Variants in NARS2 observed in about 807,000 individuals in gnomAD.
NARS2 encodes the protein asparaginyl-tRNA synthetase.
In NARS2, 60 loss-of-function variants were observed where a neutral mutation model predicts 62.9. The ratio of observed to expected loss-of-function variants is 0.95; its 90% CI spans 0.77 to 1.18. NARS2 has a LOEUF of 1.18. Among genes scored for constraint, NARS2 ranks in the 50% most tolerant of loss-of-function variants. NARS2 has a pLI of 0.00. For missense variants in NARS2, 619 were observed against 576.4 expected (o/e 1.07, Z -0.76); for synonymous variants, 196 against 200.0 (o/e 0.98, Z 0.17).
At chr11:78,525,322 T>A (rs1590814389) in intron 6 of NARS2, among the ~76,000 whole-genome samples, 1 of 151,940 alleles carries the variant, frequency 6.6e-6, no homozygotes, top group East Asian at 1.9e-4. Flanking sequence ...CTTTACTGAC[T>A]ATAAAAAAAA....
chr11:78,555,983 T>C (rs1856337755), intron 5 of NARS2, among the ~76,000 whole-genome samples: 2 of 152,210 alleles, frequency 1.3e-5, no homozygotes, highest in South Asian at 2.1e-4. Flanking sequence ...CCTGTAATCA[T>C]ATGATTTTGA....
At chr11:78,525,457 TGAATG>T (rs1421684338) in intron 6 of NARS2, among the ~76,000 whole-genome samples, 1 of 152,150 alleles carries the variant, frequency 6.6e-6, no homozygotes, top group Non-Finnish European at 1.5e-5. Flanking sequence ...AGAATCAATC[TGAATG>T]AGTTCCCAAC....
intron 7 of NARS2, among the ~76,000 whole-genome samples, chr11:78,489,640 T>C (rs745995100): frequency 9.2e-5 from 14 of 152,174 alleles, no homozygotes; most frequent in Non-Finnish European, 1.9e-4. Context: ...AACCAATCCC[T>C]TCTGGATACC....
intron 7 of NARS2, among the ~76,000 whole-genome samples, chr11:78,487,080 G>T (rs368876801): frequency 6.6e-6 from 1 of 152,076 alleles, no homozygotes; most frequent in South Asian, 2.1e-4. Context: ...TACTAGCCAG[G>T]CATGGTGGCT....
intron 4 of NARS2, among the ~76,000 whole-genome samples, chr11:78,564,511 A>AT (rs200401474): frequency 1.5e-3 from 226 of 151,424 alleles, no homozygotes; most frequent in African/African-American, 4.8e-3. Flanking sequence ...TTTTATTTCA[A>AT]TTTTTTTTTA....
intron 5 of NARS2, among the ~76,000 whole-genome samples, chr11:78,550,452 C>T (rs530467766): frequency 1.8e-4 from 28 of 152,184 alleles, no homozygotes; most frequent in Admixed American, 5.2e-4. Context: ...CAGAATGAAG[C>T]GTTAGCCCAT....
chr11:78,436,525 T>TTA lies in NARS2; in HGVS notation c.*143_*144dup. 1 of 1,013,978 alleles carries TTA rather than the reference T, an allele frequency of 9.9e-7. No individual in the cohort carries two copies. Among genetic ancestry groups the TTA allele is most frequent in the East Asian group, 2.5e-5 (1 of 39,514 alleles). 62.8% of individuals were successfully genotyped at this position (1,013,978 alleles called of 1,614,324 possible). On this transcript the variant is annotated 3_prime_UTR_variant, in exon 14 of 14. Transcript: ENST00000281038. Reference sequence around the variant, plus strand: ...AACTTTCTAAGAAAATCACAACCACTTATATTTTTTCTATGATATCTTATG... The same window carrying TTA: ...AACTTTCTAAGAAAATCACAACCACTTATATATTTTTTCTATGATATCTTATG...
intron 5 of NARS2, among the ~76,000 whole-genome samples, chr11:78,537,837 T>C (rs1375660901): frequency 6.6e-6 from 1 of 152,208 alleles, no homozygotes; most frequent in Non-Finnish European, 1.5e-5. Flanking sequence ...CAAACATACA[T>C]ACATGTTTGT....
At position 78,527,080 on chromosome 11, in the gene NARS2, A is replaced by C. The variant is rs137986351; in HGVS notation, c.689+1762T>G. Among the ~76,000 whole-genome samples the C allele has an allele frequency of 1.9e-3, 282 of 152,334 alleles. 2 individuals are homozygous for C. The highest frequency in any genetic ancestry group is 6.2e-3 in the South Asian group (30 of 4,828). On this transcript the variant is annotated intron_variant, in intron 6 of 13. Transcript: ENST00000281038. ...ACACGCTAATTTACAGATCTTTCCC[A>C]GCAGAGTTGCAAATAACTCTACCAG...
chr11:78,496,450 G>A (rs889966224), intron 6 of NARS2, among the ~76,000 whole-genome samples: 1 of 152,060 alleles, frequency 6.6e-6, no homozygotes, highest in Non-Finnish European at 1.5e-5. Flanking sequence ...CAGTTCAGAT[G>A]GGTTAAGAAG....
At chr11:78,542,310 A>C (rs1226500964) in intron 5 of NARS2, among the ~76,000 whole-genome samples, 2 of 152,240 alleles carry the variant, frequency 1.3e-5, no homozygotes. Context: ...GTTGAGGCAA[A>C]ACAGAAAGTG....
chr11:78,516,203 G>C (rs575763162), intron 6 of NARS2, among the ~76,000 whole-genome samples: 4 of 152,286 alleles, frequency 2.6e-5, no homozygotes, highest in African/African-American at 9.6e-5. Flanking sequence ...TAAAAGTACA[G>C]AGACATCCCA....
intron 7 of NARS2, among the ~76,000 whole-genome samples, chr11:78,482,491 G>T (rs1329649284): frequency 6.6e-6 from 1 of 151,396 alleles, no homozygotes; most frequent in South Asian, 2.1e-4. Context: ...CAAATAGGCC[G>T]CTAGCTAGAC....
intron 7 of NARS2, among the ~76,000 whole-genome samples, chr11:78,486,876 A>G (rs978484409): frequency 2.0e-5 from 3 of 152,226 alleles, no homozygotes; most frequent in African/African-American, 7.2e-5. Flanking sequence ...TCTTAAAGAG[A>G]AAGACTGAAC....
At chr11:78,474,427 G>A (rs1859000975) in intron 9 of NARS2, among the ~76,000 whole-genome samples, 1 of 152,030 alleles carries the variant, frequency 6.6e-6, no homozygotes, top group Non-Finnish European at 1.5e-5. Context: ...CTCATATTAG[G>A]CAGTCAATAA....
At position 78,436,715 on chromosome 11, in the gene NARS2, T is replaced by G. The variant is rs777565298; in HGVS notation, c.1389A>C (p.Lys463Asn). Residue 463 changes from lysine to asparagine, a missense_variant, in exon 14 of 14, where the codon AAA becomes AAC. Physicochemically the swap from Lys to Asn is moderately conservative, Grantham distance 94. Transcript: ENST00000281038. ...LQCILGVDNI[K>N]DVIPFPRFPH... The stretch of plus-strand genomic sequence containing the variant: ...GAAACCTTGGGAAAGGGATAACATC[T>G]TTGATATTGTCAACACCCAAGATGC... 1 of 1,614,216 alleles carries G rather than the reference T, an allele frequency of 6.2e-7. No individual in the cohort carries two copies. The highest frequency in any genetic ancestry group is 8.5e-7 in the Non-Finnish European group (1 of 1,180,032).
chr11:78,521,058 CCAAA>C (rs1861100127), intron 6 of NARS2, among the ~76,000 whole-genome samples: 2 of 47,212 alleles, frequency 4.2e-5, no homozygotes, highest in Non-Finnish European at 4.8e-5. Context: ...GACTCTGTCT[CCAAA>C]AAAAAAAAAA....
At chr11:78,442,650 C>T (rs1181640368) in intron 12 of NARS2, among the ~76,000 whole-genome samples, 4 of 148,180 alleles carry the variant, frequency 2.7e-5, no homozygotes, top group Non-Finnish European at 5.9e-5. Context: ...TCTGGCAGTA[C>T]TTTTACTAAA....
At chr11:78,555,505 T>C (rs1423988068) in intron 5 of NARS2, 1 of 152,242 alleles carries the variant, frequency 6.6e-6, no homozygotes, top group Admixed American at 6.5e-5. Flanking sequence ...TAGTTTCTGA[T>C]GGTTGTTTAC....
Sources: gnomAD v4.1 joint callset for allele counts (sites outside exome capture counted in the v4.1 genomes callset) on GRCh38, gnomAD v4.1.1 for gene constraint, MANE v1.5 for transcripts, NCBI Gene and HGNC (gene_info 2026-07-23, HGNC 2026-07-21) for gene names.